Variants in PCDHGA6 observed in about 807,000 individuals in gnomAD.
PCDHGA6 encodes protocadherin gamma-A6.
In PCDHGA6, 41 loss-of-function variants were observed where a neutral mutation model predicts 60.6. The observed-to-expected ratio is 0.68, with a 90% confidence interval of 0.53 to 0.88. The LOEUF is 0.88. PCDHGA6 is among the 40% of genes least tolerant of loss of function. The pLI is 0.00. For synonymous variants in PCDHGA6, 594 were observed against 524.4 expected, an observed-to-expected ratio of 1.13 and a Z score of -1.81; for missense variants, 1,312 against 1,203.0, an observed-to-expected ratio of 1.09 and a Z score of -1.34.
At chr5:141,382,378 C>A (rs1160680038) in intron 1 of PCDHGA6, among the ~76,000 whole-genome samples, 1 of 152,098 alleles carries the variant, frequency 6.6e-6, no homozygotes, top group Non-Finnish European at 1.5e-5. Context: ...TTTTTGCCTT[C>A]AATAACTGAT....
At chr5:141,443,662 C>A (rs1427397469) in intron 1 of PCDHGA6, among the ~76,000 whole-genome samples, 2 of 152,178 alleles carry the variant, frequency 1.3e-5, no homozygotes, top group African/African-American at 4.8e-5. Context: ...TAGCATTTTA[C>A]TGAACTAGTA....
intron 1 of PCDHGA6, among the ~76,000 whole-genome samples, chr5:141,469,311 T>C (rs970450899): frequency 3.3e-5 from 5 of 152,040 alleles, no homozygotes; most frequent in Admixed American, 3.3e-4. Context: ...GCACGATGGC[T>C]CACGCCTGTA....
rs531285035 is a variant in PCDHGA6, at chr5:141,493,409, C to T, written c.2425-1398C>T. Among the ~76,000 whole-genome samples, 4 of 152,286 alleles carry T rather than the reference C, an allele frequency of 2.6e-5. No homozygotes were observed. The East Asian group carries it at 7.7e-4, about 29-fold the overall frequency. On this transcript the variant is annotated intron_variant, in intron 1 of 3. Coordinates refer to ENST00000517434, the MANE Select transcript of PCDHGA6 (RefSeq NM_018919.3). The surrounding 1 kb of genome is among the most constrained non-coding windows in gnomAD (Gnocchi z 4.3). Reference sequence around the variant, plus strand: ...GGACAGGAGAGGGGAGTTGCCTCTGCTGGGATTTTGCTTCTGCTGGGATGG... The same window carrying T: ...GGACAGGAGAGGGGAGTTGCCTCTGTTGGGATTTTGCTTCTGCTGGGATGG...
At chr5:141,445,963 A>G (rs2098483291) in intron 1 of PCDHGA6, among the ~76,000 whole-genome samples, 2 of 152,342 alleles carry the variant, frequency 1.3e-5, no homozygotes, top group South Asian at 2.1e-4. Flanking sequence ...TATATGGAGA[A>G]TTGATTTATG....
At chr5:141,481,779 C>T (rs1367771159) in intron 1 of PCDHGA6, among the ~76,000 whole-genome samples, 2 of 152,092 alleles carry the variant, frequency 1.3e-5, no homozygotes, top group Non-Finnish European at 2.9e-5. Flanking sequence ...TGGTGAAACC[C>T]CGTCTCTACT....
intron 1 of PCDHGA6, chr5:141,384,066 C>T (rs754340033): frequency 1.6e-5 from 25 of 1,606,462 alleles, no homozygotes; most frequent in Non-Finnish European, 2.0e-5. Context: ...TTCCAGAAAA[C>T]CTACCTTTTA....
chr5:141,399,436 C>T (rs550386808), intron 1 of PCDHGA6: 12 of 1,613,996 alleles, frequency 7.4e-6, no homozygotes, highest in Admixed American at 3.3e-5. Context: ...CGTCATCCTA[C>T]ATATCAGAGA....
Position 141,485,835 on chromosome 5 carries a change from C to T in PCDHGA6, c.2425-8972C>T, listed in dbSNP as rs747722740. On this transcript the variant is annotated intron_variant, in intron 1 of 3. Transcript: ENST00000517434. This position sits in a 1 kb window ranked among gnomAD's most constrained non-coding sequence, Gnocchi z 5.7. ...ACTGCTGTCGATGGAGGGAACCCGC[C>T]GAGATCTGGCACCGCAGAGCTCCGG... 6.2e-7 allele frequency: 1 copy of T among 1,614,190 alleles called. No homozygotes were observed. Among genetic ancestry groups the T allele is most frequent in the Non-Finnish European group, 8.5e-7 (1 of 1,180,048 alleles).
In PCDHGA6 at chr5:141,476,707, G is replaced by A. The variant is rs1309848893; in HGVS notation, c.2425-18100G>A. 6.2e-7 allele frequency: 1 copy of A among 1,614,206 alleles called. No individual in the cohort carries two copies. The highest frequency in any genetic ancestry group is 1.7e-5 in the Admixed American group (1 of 60,032). On this transcript the variant is annotated intron_variant, in intron 1 of 3. Coordinates refer to ENST00000517434, the MANE Select transcript of PCDHGA6 (RefSeq NM_018919.3). This position sits in a 1 kb window ranked among gnomAD's most constrained non-coding sequence, Gnocchi z 7.6. ...ACAGCACCAAGTACGCGGAGCTGGT[G>A]TTGGAGCGCGCCCTGGACCGAGAAC...
At chr5:141,391,890 G>A (rs2092437971) in intron 1 of PCDHGA6, 1 of 152,182 alleles carries the variant, frequency 6.6e-6, no homozygotes, top group Non-Finnish European at 1.5e-5. Context: ...AAAGGGATGG[G>A]ATGGAGCTTT....
At chr5:141,377,095 T>G (rs887467044) in intron 1 of PCDHGA6, 5 of 152,298 alleles carry the variant, frequency 3.3e-5, no homozygotes, top group Non-Finnish European at 7.3e-5. Context: ...GTTTTTCTTT[T>G]ATATCAAAAG....
At chr5:141,396,656 G>A (rs6580187) in intron 1 of PCDHGA6, 27,943 of 151,880 alleles carry the variant, frequency 0.18, 3,100 homozygotes, top group African/African-American at 0.31. Flanking sequence ...GTAAAAACTC[G>A]GTATAGGCTA....
chr5:141,405,459 A>T, intron 1 of PCDHGA6: 2 of 1,229,452 alleles, frequency 1.6e-6, no homozygotes, highest in Non-Finnish European at 2.3e-6. Flanking sequence ...TTACTCTGTT[A>T]CCCAGGCTGG....
At position 141,491,828 on chromosome 5, in the gene PCDHGA6, G is replaced by C. The variant is rs1389234164; in HGVS notation, c.2425-2979G>C. ...CTTGGTCGCTGGCTGCGCTCCACCC[G>C]ATTCTCGGGATCATTGGACCGTTTG... On this transcript the variant is annotated intron_variant, in intron 1 of 3. Coordinates refer to ENST00000517434, the MANE Select transcript of PCDHGA6 (RefSeq NM_018919.3). The surrounding 1 kb of genome is among the most constrained non-coding windows in gnomAD (Gnocchi z 6.9). 4.1e-6 allele frequency: 6 copies of C among 1,475,668 alleles called. No homozygotes were observed. The highest frequency in any genetic ancestry group is 5.4e-6 in the Non-Finnish European group (6 of 1,113,522). 91.4% of individuals were successfully genotyped at this position (1,475,668 alleles called of 1,614,324 possible).
At chr5:141,479,986 C>T (rs2099510881) in intron 1 of PCDHGA6, among the ~76,000 whole-genome samples, 1 of 152,200 alleles carries the variant, frequency 6.6e-6, no homozygotes, top group Non-Finnish European at 1.5e-5. Flanking sequence ...CATTTACCAA[C>T]TAGGAGTCTG....
chr5:141,416,109 A>C (rs1365438751), intron 1 of PCDHGA6: 5 of 157,286 alleles, frequency 3.2e-5, no homozygotes, highest in African/African-American at 1.2e-4. Context: ...GCCTTTTTCA[A>C]ACTACATTTT....
At chr5:141,421,880 G>C in intron 1 of PCDHGA6, 1 of 1,613,718 alleles carries the variant, frequency 6.2e-7, no homozygotes, top group Admixed American at 1.7e-5. Flanking sequence ...GCTTTAGATG[G>C]AGGCGATCCC....
Position 141,453,270 on chromosome 5 carries a change from T to C in PCDHGA6, c.2425-41537T>C, listed in dbSNP as rs1592250907. 4.6e-5 allele frequency among the ~76,000 whole-genome samples: 7 copies of C among 152,146 alleles called. No homozygotes were observed. In the South Asian group the frequency reaches 1.5e-3, roughly 32 times the overall value. On this transcript the variant is annotated intron_variant, in intron 1 of 3. Transcript: ENST00000517434. The stretch of plus-strand genomic sequence containing the variant: ...CTGGGGCTGCAAGTGCACACCACCA[T>C]GACTGGCTAATTTTTTAATTATTTA...
chr5:141,393,584 A>G, intron 1 of PCDHGA6: 1 of 1,613,892 alleles, frequency 6.2e-7, no homozygotes, highest in African/African-American at 1.3e-5. Context: ...ACATGCCCCC[A>G]GGCACGCGGC....
Sources: allele counts gnomAD v4.1 joint callset (sites outside exome capture counted in the v4.1 genomes callset), GRCh38; gene constraint gnomAD v4.1.1; non-coding constraint Gnocchi (gnomAD v3.1); transcripts MANE v1.5; gene names NCBI Gene and HGNC (gene_info 2026-07-23, HGNC 2026-07-21).